The following ARPC2 variants were observed in gnomAD, a reference collection of about 807,000 sequenced individuals.
The protein encoded by ARPC2 is actin related protein 2/3 complex subunit 2.
In ARPC2, 4 loss-of-function variants were observed where a neutral mutation model predicts 38.6. The ratio of observed to expected loss-of-function variants is 0.10; its 90% CI spans 0.05 to 0.24. The LOEUF (loss-of-function observed/expected upper bound fraction) is 0.24, where lower values mean the gene tolerates loss of function less well. ARPC2 is among the 10% of genes least tolerant of loss of function. ARPC2 has a pLI of 1.00. For synonymous variants in ARPC2, 125 were observed against 140.8 expected, an observed-to-expected ratio of 0.89 and a Z score of 0.79; for missense variants, 229 against 387.3, an observed-to-expected ratio of 0.59 and a Z score of 3.43.
intron 6 of ARPC2, 184 bp downstream of exon 6, chr2:218,239,034 T>C: frequency 1.7e-6 from 1 of 583,990 alleles, no homozygotes; most frequent in African/African-American, 1.9e-5. Context: ...ACTCTCCAGA[T>C]ACTGAGAGCT....
In ARPC2 at chr2:218,234,344, T is replaced by C. The variant is rs1163006832; in HGVS notation, c.223-8T>C. On this transcript the variant is annotated splice_region_variant and splice_polypyrimidine_tract_variant and intron_variant, in intron 4 of 10. Transcript: ENST00000315717. ...CGTATTTGGTTTTGTTTTGTTTTTA[T>C]TTTCTAGTTATTAAAGAGGGTGTAC... 1 of 1,595,886 alleles carries C rather than the reference T, an allele frequency of 6.3e-7. No individual in the cohort carries two copies. The highest frequency in any genetic ancestry group is 1.3e-5 in the African/African-American group (1 of 74,308).
chr2:218,221,959 G>T (rs1689392614), intron 2 of ARPC2, among the ~76,000 whole-genome samples: 1 of 152,186 alleles, frequency 6.6e-6, no homozygotes, highest in South Asian at 2.1e-4. Context: ...GTAGGAGAGA[G>T]ACATAAATGC....
intron 5 of ARPC2, 34 bp downstream of exon 5, chr2:218,234,431 T>G: frequency 6.5e-7 from 1 of 1,527,210 alleles, no homozygotes; most frequent in Non-Finnish European, 9.0e-7. Context: ...TGGAATGACA[T>G]GGGAAGAGAG....
At position 218,234,337 on chromosome 2, in the gene ARPC2, G is replaced by T. The variant is rs776221434; in HGVS notation, c.223-15G>T. 2 of 1,587,122 alleles carry T rather than the reference G, an allele frequency of 1.3e-6. No homozygotes were observed. Among genetic ancestry groups the T allele is most frequent in the Non-Finnish European group, 1.7e-6 (2 of 1,160,458 alleles). ...GGATTAACGTATTTGGTTTTGTTTT[G>T]TTTTTATTTTCTAGTTATTAAAGAG... On this transcript the variant is annotated splice_polypyrimidine_tract_variant and intron_variant, in intron 4 of 10. Coordinates refer to ENST00000315717, the MANE Select transcript of ARPC2 (RefSeq NM_152862.3).
intron 4 of ARPC2, among the ~76,000 whole-genome samples, chr2:218,232,038 G>A (rs759611021): frequency 1.3e-5 from 2 of 151,894 alleles, no homozygotes; most frequent in East Asian, 1.9e-4. Flanking sequence ...TCAGGATTTC[G>A]AGCCCAGCCT....
intron 10 of ARPC2, among the ~76,000 whole-genome samples, chr2:218,253,205 G>T (rs1387281019): frequency 2.6e-5 from 4 of 152,146 alleles, no homozygotes; most frequent in Non-Finnish European, 5.9e-5. Flanking sequence ...CCATGTTTTT[G>T]CCCTGATTTC....
intron 4 of ARPC2, among the ~76,000 whole-genome samples, chr2:218,232,037 C>T (rs988777817): frequency 6.6e-6 from 1 of 152,112 alleles, no homozygotes. Flanking sequence ...GTCAGGATTT[C>T]GAGCCCAGCC....
At chr2:218,219,026 TAGG>T (rs951118601) in intron 2 of ARPC2, among the ~76,000 whole-genome samples, 42 of 152,330 alleles carry the variant, frequency 2.8e-4, no homozygotes, top group Admixed American at 2.4e-3. Context: ...GTGTAACACA[TAGG>T]AGGAAGTTGA....
At chr2:218,247,951 TTA>T (rs2106159208) in intron 8 of ARPC2, among the ~76,000 whole-genome samples, 1 of 23,084 alleles carries the variant, frequency 4.3e-5, no homozygotes, top group African/African-American at 5.2e-5. Context: ...TCAAAAAAAA[TTA>T]AAAAAAAAAA....
chr2:218,219,386 C>T (rs1689334097), intron 2 of ARPC2, among the ~76,000 whole-genome samples: 1 of 150,264 alleles, frequency 6.7e-6, no homozygotes. Context: ...GAGACAGAGT[C>T]TCTCACTGGC....
chr2:218,250,986 C>T (rs750798653), intron 10 of ARPC2, among the ~76,000 whole-genome samples: 4 of 151,808 alleles, frequency 2.6e-5, no homozygotes, highest in Non-Finnish European at 4.4e-5. Flanking sequence ...CAGGTGCACA[C>T]CACCACGCCC....
intron 10 of ARPC2, among the ~76,000 whole-genome samples, chr2:218,250,961 A>G (rs1690174724): frequency 6.6e-6 from 1 of 151,544 alleles, no homozygotes; most frequent in Admixed American, 6.6e-5. Context: ...TCTGCCTCCC[A>G]ACTAGCTGGG....
intron 2 of ARPC2, among the ~76,000 whole-genome samples, chr2:218,223,718 T>C (rs1482587175): frequency 6.6e-6 from 1 of 152,180 alleles, no homozygotes; most frequent in African/African-American, 2.4e-5. Context: ...GCCAATAAAT[T>C]CTGAATTCTA....
chr2:218,253,151 A>G (rs1378208136), intron 10 of ARPC2: 19 of 359,874 alleles, frequency 5.3e-5, no homozygotes, highest in South Asian at 3.7e-4. Flanking sequence ...GTGTAGCTTC[A>G]TTTTGGAATA....
intron 8 of ARPC2, among the ~76,000 whole-genome samples, chr2:218,246,611 T>C (rs1299392859): frequency 6.6e-6 from 1 of 151,402 alleles, no homozygotes; most frequent in African/African-American, 2.4e-5. Context: ...GAGTCCGAGG[T>C]TGGTGGGTCA....
chr2:218,223,858 C>G (rs1413791042), intron 2 of ARPC2, among the ~76,000 whole-genome samples: 1 of 152,110 alleles, frequency 6.6e-6, no homozygotes, highest in Admixed American at 6.6e-5. Flanking sequence ...CCTCCCGCTC[C>G]TTTGTAATTT....
At chr2:218,241,466 A>G (rs1689915102) in intron 7 of ARPC2, among the ~76,000 whole-genome samples, 1 of 152,244 alleles carries the variant, frequency 6.6e-6, no homozygotes, top group African/African-American at 2.4e-5. Context: ...ATGTGTTTTT[A>G]TGCAGAATTG....
Position 218,254,108 on chromosome 2 carries a change from T to TAAAA in ARPC2, c.*206_*209dup, listed in dbSNP as rs376913304. On this transcript the variant is annotated 3_prime_UTR_variant, in exon 11 of 11. Transcript: ENST00000315717. ...CAAAGACTTCATAGTTCCCAAGAAT[T>TAAAA]AAAAAAAAAAAAAAAAGAATTCCAC... The TAAAA allele has an allele frequency of 1.4e-5, 6 of 426,632 alleles. No individual in the cohort carries two copies. Among genetic ancestry groups the TAAAA allele is most frequent in the African/African-American group, 1.1e-4 (5 of 45,076 alleles). The allele number at this position is 426,632 out of a possible 1,614,324, so 26.4% of individuals were successfully genotyped here. A position where few individuals can be genotyped will look rare whatever the true frequency, so the allele number is the denominator to read the frequency against.
intron 10 of ARPC2, among the ~76,000 whole-genome samples, chr2:218,251,734 T>C (rs1690196907): frequency 6.6e-6 from 1 of 151,994 alleles, no homozygotes. Flanking sequence ...ATAACAGACA[T>C]GAGCCACCAC....
Sources: allele counts gnomAD v4.1 joint callset (sites outside exome capture counted in the v4.1 genomes callset), GRCh38; gene constraint gnomAD v4.1.1; transcripts MANE v1.5; gene names NCBI Gene and HGNC (gene_info 2026-07-23, HGNC 2026-07-21).